FCHO1: variants seen among roughly 807,000 people sequenced by gnomAD.
FCHO1 encodes the protein F-BAR domain only protein 1.
In FCHO1, 45 loss-of-function variants were observed where a neutral mutation model predicts 114.4. That is an observed-to-expected ratio of 0.39 (90% CI 0.31 to 0.50). FCHO1 has a LOEUF of 0.50. FCHO1 is among the 20% of genes least tolerant of loss of function. FCHO1 has a pLI of 0.77. For missense variants in FCHO1, 1,042 were observed against 1,209.6 expected, an observed-to-expected ratio of 0.86 and a Z score of 2.06; for synonymous variants, 480 against 488.9, an observed-to-expected ratio of 0.98 and a Z score of 0.24.
Position 17,766,891 on chromosome 19 carries a change from T to A in FCHO1, c.336+81T>A, listed in dbSNP as rs532906322. The A allele has an allele frequency of 2.3e-5, 33 of 1,440,034 alleles. No homozygotes were observed. In the South Asian group the frequency reaches 4.0e-4, roughly 17 times the overall value. The allele number at this position is 1,440,034 out of a possible 1,614,324, so 89.2% of individuals were successfully genotyped here. A position where few individuals can be genotyped will look rare whatever the true frequency, so the allele number is the denominator to read the frequency against. On this transcript the variant is annotated intron_variant, in intron 7 of 28. Coordinates refer to ENST00000596536, the MANE Select transcript of FCHO1 (RefSeq NM_015122.3). Reference sequence around the variant, plus strand: ...ACAGGACCCCAGATCTTCTGGGGCTTTATAACCTGCGGATGTCCGCCTCCG... The same window carrying A: ...ACAGGACCCCAGATCTTCTGGGGCTATATAACCTGCGGATGTCCGCCTCCG...
At chr19:17,786,718 T>TA in intron 27 of FCHO1, 89 bp downstream of exon 27, 1 of 1,432,808 alleles carries the variant, frequency 7.0e-7, no homozygotes, top group South Asian at 1.2e-5. Flanking sequence ...ATTGGGGACA[T>TA]ACTGAGGGCG....
At chr19:17,748,612 T>C (rs1424463180), upstream of FCHO1, among the ~76,000 whole-genome samples, 1 of 144,750 alleles carries the variant, frequency 6.9e-6, no homozygotes, top group African/African-American at 2.6e-5. Flanking sequence ...AGAGGCTGGC[T>C]GTGAGTGGGG....
intron 13 of FCHO1, 102 bp from the exon 14 acceptor site, chr19:17,774,954 G>C: frequency 7.4e-7 from 1 of 1,342,408 alleles, no homozygotes; most frequent in Non-Finnish European, 1.1e-6. Context: ...CAGTATCACA[G>C]TCTGGGAGCT....
At chr19:17,758,154 G>C (rs1005167253) in intron 4 of FCHO1, among the ~76,000 whole-genome samples, 4 of 151,852 alleles carry the variant, frequency 2.6e-5, no homozygotes, top group Non-Finnish European at 4.4e-5. Flanking sequence ...GACAGAGCTT[G>C]CAGTGAGCCA....
intron 4 of FCHO1, among the ~76,000 whole-genome samples, chr19:17,757,474 C>T (rs1181725258): frequency 6.6e-6 from 1 of 152,170 alleles, no homozygotes; most frequent in Non-Finnish European, 1.5e-5. Context: ...CAGCAAGACC[C>T]TTGGGAGTTG....
At chr19:17,751,187 C>T (rs2081870443), upstream of FCHO1, among the ~76,000 whole-genome samples, 1 of 152,180 alleles carries the variant, frequency 6.6e-6, no homozygotes, top group Non-Finnish European at 1.5e-5. The surrounding 1 kb of genome is among the most constrained non-coding windows in gnomAD (Gnocchi z 4.4). Flanking sequence ...CCTCAGTTTG[C>T]CCAGTCTGTG....
At chr19:17,782,242 G>A (rs141636515) in intron 23 of FCHO1, among the ~76,000 whole-genome samples, 1,795 of 152,206 alleles carry the variant, frequency 0.012, 19 homozygotes, top group Non-Finnish European at 0.017. Flanking sequence ...TCACTCTGTT[G>A]CCCAGGCTGG....
chr19:17,756,514 T>C (rs569180686), intron 4 of FCHO1, among the ~76,000 whole-genome samples: 1 of 152,210 alleles, frequency 6.6e-6, no homozygotes, highest in African/African-American at 2.4e-5. Context: ...CCCAAAGATA[T>C]CCTGGTAGAG....
upstream of FCHO1, among the ~76,000 whole-genome samples, chr19:17,749,588 T>G (rs1422357756): frequency 6.6e-6 from 1 of 151,982 alleles, no homozygotes; most frequent in African/African-American, 2.4e-5. Context: ...AGGGGACCCA[T>G]GGGGAGGACA....
chr19:17,756,899 A>G (rs1429801799), intron 4 of FCHO1, among the ~76,000 whole-genome samples: 1 of 152,074 alleles, frequency 6.6e-6, no homozygotes, highest in Non-Finnish European at 1.5e-5. Context: ...TACAAAGACC[A>G]CACTCTTGGC....
chr19:17,774,316 G>C, intron 12 of FCHO1, 33 bp downstream of exon 12: 5 of 1,613,684 alleles, frequency 3.1e-6, no homozygotes, highest in Non-Finnish European at 4.2e-6. Flanking sequence ...GCCCAGGCTG[G>C]ACCATGGGGG....
intron 13 of FCHO1, chr19:17,774,816 T>A: frequency 3.4e-6 from 2 of 585,532 alleles, no homozygotes; most frequent in Non-Finnish European, 6.1e-6. Flanking sequence ...AAGGCAGCCC[T>A]TCAAATGAGT....
chr19:17,771,618 G>A (rs2091580890), intron 9 of FCHO1, among the ~76,000 whole-genome samples: 1 of 151,630 alleles, frequency 6.6e-6, no homozygotes, highest in South Asian at 2.1e-4. Flanking sequence ...GCAGTGAGCC[G>A]AGATTGCGCC....
upstream of FCHO1, among the ~76,000 whole-genome samples, chr19:17,750,027 C>T (rs1486399528): frequency 1.3e-5 from 2 of 152,176 alleles, no homozygotes; most frequent in South Asian, 4.1e-4. Context: ...AGGCACCACT[C>T]GATTCCCAGG....
chr19:17,764,044 C>CTTT (rs11458516), intron 5 of FCHO1, among the ~76,000 whole-genome samples: 2 of 145,200 alleles, frequency 1.4e-5, no homozygotes, highest in Non-Finnish European at 1.5e-5. Flanking sequence ...GCTTCTTCAT[C>CTTT]TTTTTTTTTT....
chr19:17,757,245 A>G (rs1045393384), intron 4 of FCHO1, among the ~76,000 whole-genome samples: 12 of 151,760 alleles, frequency 7.9e-5, no homozygotes, highest in Admixed American at 5.9e-4. Context: ...TCTGAAGTCT[A>G]GAAGTTCTGG....
chr19:17,749,875 G>A (rs1048097593), upstream of FCHO1, among the ~76,000 whole-genome samples: 2 of 152,162 alleles, frequency 1.3e-5, no homozygotes, highest in Admixed American at 1.3e-4. Flanking sequence ...CCTTGCTACT[G>A]GCCCTACTGT....
rs778402480 is a variant in FCHO1 at position 17,784,822 on chromosome 19, G to A, written c.2324G>A (p.Arg775Gln). 1.4e-5 allele frequency: 23 copies of A among 1,613,870 alleles called. No homozygotes were observed. The highest frequency in any genetic ancestry group is 6.7e-5 in the Admixed American group (4 of 60,006). The change falls in exon 26 of 29, where the codon CGG becomes CAG. Residue 775 changes from arginine to glutamine, a missense_variant. Transcript: ENST00000596536. The surrounding 1 kb of genome is among the most constrained non-coding windows in gnomAD (Gnocchi z 5.3). ...LTQVSVEYGY[R>Q]PGATAVPTPL... ...CAGGTCTCAGTGGAGTACGGCTACC[G>A]GCCCGGTGCCACGGCTGTGCCCACA... is the stretch of plus-strand genomic sequence containing the variant.
chr19:17,762,213 T>G (rs1340738562), intron 4 of FCHO1, among the ~76,000 whole-genome samples: 2 of 152,152 alleles, frequency 1.3e-5, no homozygotes, highest in Non-Finnish European at 2.9e-5. Flanking sequence ...CTCGAACTCC[T>G]GACCTCAAGT....
Sources: gnomAD v4.1 joint callset for allele counts (sites outside exome capture counted in the v4.1 genomes callset) on GRCh38, gnomAD v4.1.1 for gene constraint, Gnocchi (gnomAD v3.1) non-coding constraint, MANE v1.5 for transcripts, NCBI Gene and HGNC (gene_info 2026-07-23, HGNC 2026-07-21) for gene names.